The following SH3RF2 variants were observed in gnomAD, a reference collection of about 807,000 sequenced individuals.
SH3RF2 encodes SH3 domain containing ring finger 2.
SH3RF2 carries 43 observed loss-of-function variants against 59.0 expected under a neutral mutation model. The observed-to-expected ratio is 0.73, with a 90% CI of 0.57 to 0.94. SH3RF2 has a LOEUF of 0.94. Among genes scored for constraint, SH3RF2 ranks in the 40% least tolerant of loss-of-function variants. The pLI, the probability that SH3RF2 is intolerant of heterozygous loss-of-function variation, is 0.00. For synonymous variants in SH3RF2, 391 were observed against 391.5 expected, an observed-to-expected ratio of 1.00 and a Z score of 0.01; for missense variants, 930 against 940.1, an observed-to-expected ratio of 0.99 and a Z score of 0.14.
chr5:145,975,421 C>T (rs1307008512), intron 2 of SH3RF2, among the ~76,000 whole-genome samples: 1 of 152,208 alleles, frequency 6.6e-6, no homozygotes, highest in Non-Finnish European at 1.5e-5. Flanking sequence ...TCACAGGAAG[C>T]CTCCTCATGC....
At chr5:145,947,539 G>A (rs1171760078) in intron 2 of SH3RF2, among the ~76,000 whole-genome samples, 1 of 152,176 alleles carries the variant, frequency 6.6e-6, no homozygotes, top group African/African-American at 2.4e-5. Context: ...TACTCCTCCA[G>A]GTAGGTTTCT....
chr5:145,992,525 G>C (rs1759979314), intron 2 of SH3RF2, among the ~76,000 whole-genome samples: 1 of 152,110 alleles, frequency 6.6e-6, no homozygotes, highest in South Asian at 2.1e-4. Context: ...CCCAAGACTG[G>C]GCAATTTACA....
intron 2 of SH3RF2, among the ~76,000 whole-genome samples, chr5:145,950,009 A>G (rs1275913458): frequency 6.6e-6 from 1 of 152,122 alleles, no homozygotes; most frequent in Non-Finnish European, 1.5e-5. Flanking sequence ...AAGTGGAATG[A>G]TTGTTCTCAC....
At chr5:146,016,300 A>T (rs1761098712) in intron 5 of SH3RF2, among the ~76,000 whole-genome samples, 1 of 152,188 alleles carries the variant, frequency 6.6e-6, no homozygotes, top group South Asian at 2.1e-4. Context: ...ATATAACCTC[A>T]AACTTTACTG....
At chr5:146,025,215 C>T (rs973387797) in intron 5 of SH3RF2, among the ~76,000 whole-genome samples, 3 of 152,240 alleles carry the variant, frequency 2.0e-5, no homozygotes, top group African/African-American at 4.8e-5. Context: ...CTCATTTGTT[C>T]CTGGGCATTC....
chr5:145,951,742 C>G (rs541285791), intron 2 of SH3RF2, among the ~76,000 whole-genome samples: 1 of 152,214 alleles, frequency 6.6e-6, no homozygotes, highest in Non-Finnish European at 1.5e-5. Context: ...ATCTGCCACT[C>G]TTTGAAGGCA....
At chr5:146,010,730 G>GT (rs1217716172) in intron 4 of SH3RF2, among the ~76,000 whole-genome samples, 3 of 152,020 alleles carry the variant, frequency 2.0e-5, no homozygotes, top group Non-Finnish European at 4.4e-5. Context: ...GGGGTTGTTT[G>GT]TTTTTTTCTT....
intron 2 of SH3RF2, among the ~76,000 whole-genome samples, chr5:145,975,404 G>A (rs944888954): frequency 2.0e-5 from 3 of 152,206 alleles, no homozygotes; most frequent in Non-Finnish European, 4.4e-5. Flanking sequence ...AGGGGCAGCT[G>A]CAGACATCAC....
At chr5:145,939,080 A>ACACCCC (rs1244483409) in intron 2 of SH3RF2, among the ~76,000 whole-genome samples, 3 of 152,366 alleles carry the variant, frequency 2.0e-5, no homozygotes, top group Admixed American at 1.3e-4. Context: ...CGCTGAAAGC[A>ACACCCC]CACCCCGAGG....
intron 4 of SH3RF2, among the ~76,000 whole-genome samples, chr5:146,009,920 G>T (rs1346299730): frequency 6.6e-6 from 1 of 152,110 alleles, no homozygotes; most frequent in East Asian, 1.9e-4. Flanking sequence ...GGGTATATGT[G>T]CACAACGTGC....
At chr5:146,052,610 G>A (rs1401458775) in intron 7 of SH3RF2, among the ~76,000 whole-genome samples, 1 of 152,066 alleles carries the variant, frequency 6.6e-6, no homozygotes, top group Non-Finnish European at 1.5e-5. Context: ...GGTGGCAGAG[G>A]ATCAATGCTT....
intron 2 of SH3RF2, among the ~76,000 whole-genome samples, chr5:145,958,825 G>T (rs1481269664): frequency 1.3e-5 from 2 of 152,126 alleles, no homozygotes; most frequent in South Asian, 4.2e-4. Context: ...TCCACACCAG[G>T]CTGCAGCATA....
downstream of SH3RF2, among the ~76,000 whole-genome samples, chr5:146,064,584 G>T (rs1480106894): frequency 1.2e-4 from 1 of 8,096 alleles, no homozygotes; most frequent in Non-Finnish European, 4.2e-4. Context: ...AGGAAGGAAG[G>T]GGGAGAGAGA....
intron 2 of SH3RF2, among the ~76,000 whole-genome samples, chr5:145,975,852 T>G (rs896119293): frequency 1.3e-5 from 2 of 152,218 alleles, no homozygotes; most frequent in African/African-American, 4.8e-5. Context: ...ATCTGTAAAC[T>G]GGAGATAATT....
At chr5:146,036,167 C>T (rs1003511163) in intron 5 of SH3RF2, among the ~76,000 whole-genome samples, 1 of 152,132 alleles carries the variant, frequency 6.6e-6, no homozygotes. Flanking sequence ...TCAAAAAGCC[C>T]TAAGAGTACC....
At chr5:146,044,220 G>A (rs975994043) in intron 5 of SH3RF2, among the ~76,000 whole-genome samples, 3 of 151,026 alleles carry the variant, frequency 2.0e-5, no homozygotes, top group Non-Finnish European at 2.9e-5. Flanking sequence ...GCATGATCTC[G>A]GCTCACTGTA....
chr5:146,057,188 G>A (rs931595188), intron 8 of SH3RF2, among the ~76,000 whole-genome samples: 2 of 152,170 alleles, frequency 1.3e-5, no homozygotes, highest in African/African-American at 4.8e-5. Flanking sequence ...GGGACAATAT[G>A]CCCCTTTTTA....
chr5:145,991,608 G>T (rs1471005304), intron 2 of SH3RF2, among the ~76,000 whole-genome samples: 1 of 152,130 alleles, frequency 6.6e-6, no homozygotes, highest in East Asian at 1.9e-4. Flanking sequence ...GTTAACAATA[G>T]AATCTATATA....
chr5:146,029,254 A>G (rs967112243), intron 5 of SH3RF2, among the ~76,000 whole-genome samples: 1 of 152,108 alleles, frequency 6.6e-6, no homozygotes, highest in Admixed American at 6.5e-5. Context: ...TGCATTTCAG[A>G]GTTTTTGTCA....
Sources: allele counts gnomAD v4.1 joint callset (sites outside exome capture counted in the v4.1 genomes callset), GRCh38; gene constraint gnomAD v4.1.1; transcripts MANE v1.5; gene names NCBI Gene and HGNC (gene_info 2026-07-23, HGNC 2026-07-21).